Variants in CPVL observed in about 807,000 individuals in gnomAD.
CPVL encodes probable serine carboxypeptidase CPVL.
Under a neutral mutation model 63.7 loss-of-function variants are expected in CPVL, and 51 were observed. The observed-to-expected ratio is 0.80, with a 90% confidence interval of 0.64 to 1.01. The LOEUF is 1.01. Ranked by LOEUF, CPVL falls within the 50% of genes least tolerant of loss-of-function variation. The pLI, the probability that CPVL is intolerant of heterozygous loss-of-function variation, is 0.00. For synonymous variants in CPVL, 195 were observed against 206.0 expected (o/e 0.95, Z 0.46); for missense variants, 530 against 573.1 (o/e 0.92, Z 0.77).
At chr7:29,156,785 A>G (rs1197074379) in intron 5 of CPVL, among the ~76,000 whole-genome samples, 1 of 150,802 alleles carries the variant, frequency 6.6e-6, no homozygotes, top group Non-Finnish European at 1.5e-5. Flanking sequence ...GCATAGCTAA[A>G]GAAAAAGTCC....
At chr7:29,116,464 C>T (rs1584307430) in intron 2 of CPVL, among the ~76,000 whole-genome samples, 2 of 152,184 alleles carry the variant, frequency 1.3e-5, no homozygotes, top group Admixed American at 1.3e-4. Context: ...ATGTTTAGAA[C>T]AGTTTTAAAA....
intron 3 of CPVL, among the ~76,000 whole-genome samples, chr7:29,185,319 T>C (rs2128747818): frequency 6.6e-6 from 1 of 152,338 alleles, no homozygotes; most frequent in East Asian, 1.9e-4. Context: ...TTAAAGATCA[T>C]AACATGGACC....
chr7:29,138,745 A>G (rs927519734), intron 1 of CPVL, among the ~76,000 whole-genome samples: 4 of 152,174 alleles, frequency 2.6e-5, no homozygotes, highest in South Asian at 2.1e-4. Flanking sequence ...CAACTGCTGT[A>G]TTCTTACCAA....
chr7:29,024,052 T>C (rs1444474422), intron 12 of CPVL, among the ~76,000 whole-genome samples: 2 of 152,054 alleles, frequency 1.3e-5, no homozygotes, highest in African/African-American at 4.8e-5. Context: ...TAAAGAAGCT[T>C]AGCGAGATAC....
chr7:29,105,072 TC>T (rs1787591413), intron 3 of CPVL, among the ~76,000 whole-genome samples: 1 of 152,208 alleles, frequency 6.6e-6, no homozygotes, highest in African/African-American at 2.4e-5. Context: ...AAGACAATTA[TC>T]TGTGATCTCC....
chr7:29,082,563 T>C (rs1784839791), intron 7 of CPVL: 1 of 151,706 alleles, frequency 6.6e-6, no homozygotes, highest in Non-Finnish European at 1.5e-5. Context: ...GTGTTTTTTC[T>C]TCTGAAAAGA....
intron 5 of CPVL, among the ~76,000 whole-genome samples, chr7:29,160,230 G>A (rs560646125): frequency 6.6e-6 from 1 of 152,310 alleles, no homozygotes; most frequent in South Asian, 2.1e-4. Context: ...CCCACAGTGT[G>A]TGAAGTTGGT....
intron 11 of CPVL, among the ~76,000 whole-genome samples, chr7:29,046,770 G>A (rs1051382301): frequency 3.3e-5 from 5 of 152,094 alleles, no homozygotes; most frequent in African/African-American, 1.2e-4. Context: ...TCTCCAAAGA[G>A]CAGAGATTTC....
chr7:29,046,600 T>C lies in CPVL; in HGVS notation c.1138-15841A>G, dbSNP rs1001407467. On this transcript the variant is annotated intron_variant, in intron 11 of 12. Transcript: ENST00000265394. The stretch of plus-strand genomic sequence containing the variant: ...ACACACACACACACACACATACTCA[T>C]ACACGGTCTTTGAAAATACAGCACA... Among the ~76,000 whole-genome samples, 3 of 150,692 alleles carry C rather than the reference T, an allele frequency of 2.0e-5. No homozygotes were observed. In the East Asian group the frequency reaches 5.8e-4, roughly 29 times the overall value.
At chr7:29,085,001 A>T (rs572931811) in intron 7 of CPVL, among the ~76,000 whole-genome samples, 7 of 152,358 alleles carry the variant, frequency 4.6e-5, no homozygotes, top group African/African-American at 1.4e-4. Flanking sequence ...AATACAGAAC[A>T]GAGAAAAGAG....
At chr7:29,074,907 G>A (rs553563776) in intron 7 of CPVL, among the ~76,000 whole-genome samples, 1 of 151,748 alleles carries the variant, frequency 6.6e-6, no homozygotes, top group Non-Finnish European at 1.5e-5. Flanking sequence ...ATAGAGCAAA[G>A]TTTACGATTT....
intron 9 of CPVL, among the ~76,000 whole-genome samples, 197 bp from the exon 10 acceptor site, chr7:29,066,318 C>G (rs1461164072): frequency 6.6e-6 from 1 of 152,186 alleles, no homozygotes; most frequent in Non-Finnish European, 1.5e-5. Flanking sequence ...CAAAACAGAC[C>G]AATGGTCCTC....
chr7:28,997,189 C>T (rs180933885), intron 12 of CPVL, among the ~76,000 whole-genome samples: 17 of 152,298 alleles, frequency 1.1e-4, no homozygotes, highest in Middle Eastern at 3.4e-3. Context: ...CAGGAGAGGT[C>T]AGCCTGGCCT....
chr7:29,095,763 T>G (rs889557100), intron 4 of CPVL, among the ~76,000 whole-genome samples: 2 of 152,108 alleles, frequency 1.3e-5, no homozygotes, highest in East Asian at 3.9e-4. Flanking sequence ...TGTGAGTAAT[T>G]AAGAATATAA....
At chr7:29,146,771 T>A, upstream of CPVL, 1 of 1,549,198 alleles carries the variant, frequency 6.5e-7, no homozygotes, top group Non-Finnish European at 8.7e-7. Flanking sequence ...TGTTTTATTT[T>A]GATTTTGTCT....
upstream of CPVL, chr7:29,146,863 C>G: frequency 6.4e-7 from 1 of 1,551,162 alleles, no homozygotes; most frequent in Non-Finnish European, 8.7e-7. Context: ...TACTTGCAAG[C>G]CCAGGATTTA....
intron 12 of CPVL, chr7:29,001,463 T>A (rs188768342): frequency 6.6e-6 from 1 of 152,222 alleles, no homozygotes; most frequent in South Asian, 2.1e-4. Context: ...ACACTAACTA[T>A]AAGTAGAAAT....
intron 5 of CPVL, among the ~76,000 whole-genome samples, chr7:29,163,981 C>A (rs187757854): frequency 1.3e-5 from 2 of 152,326 alleles, no homozygotes; most frequent in East Asian, 3.9e-4. Flanking sequence ...TGTTAACATT[C>A]GTGGACAAGT....
At chr7:29,091,307 A>C (rs1562764173) in intron 6 of CPVL, among the ~76,000 whole-genome samples, 2 of 150,778 alleles carry the variant, frequency 1.3e-5, no homozygotes. Flanking sequence ...TCTGTCTTAG[A>C]GGGGGCCCGA....
Sources: gnomAD v4.1 joint callset for allele counts (sites outside exome capture counted in the v4.1 genomes callset) on GRCh38, gnomAD v4.1.1 for gene constraint, MANE v1.5 for transcripts, NCBI Gene and HGNC (gene_info 2026-07-23, HGNC 2026-07-21) for gene names.